HLCS: variants seen among roughly 807,000 people sequenced by gnomAD.
HLCS encodes biotin--protein ligase.
HLCS carries 53 observed loss-of-function variants against 75.0 expected under a neutral mutation model. The observed-to-expected ratio is 0.71, with a 90% CI of 0.57 to 0.89. HLCS has a LOEUF of 0.89. HLCS is among the 40% of genes least tolerant of loss of function. The probability of loss-of-function intolerance (pLI) is 0.00; values close to 1 mark genes in which losing one functional copy is unlikely to be tolerated. For missense variants in HLCS, 966 were observed against 1,074.0 expected (o/e 0.90, Z 1.41); for synonymous variants, 431 against 428.6 (o/e 1.01, Z -0.07).
chr21:36,896,554 C>T, intron 6 of HLCS: 1 of 418,416 alleles, frequency 2.4e-6, no homozygotes, highest in South Asian at 2.4e-5. Context: ...AGCAATAATG[C>T]CACCGGTTAA....
At chr21:36,787,003 C>T (rs998534996) in intron 6 of HLCS, among the ~76,000 whole-genome samples, 2 of 152,180 alleles carry the variant, frequency 1.3e-5, no homozygotes, top group South Asian at 4.1e-4. Context: ...AAAGATGCGA[C>T]CATGTAGGGA....
At chr21:36,858,659 A>G (rs1231099024) in intron 6 of HLCS, among the ~76,000 whole-genome samples, 2 of 152,144 alleles carry the variant, frequency 1.3e-5, no homozygotes, top group Non-Finnish European at 1.5e-5. Flanking sequence ...GCCTTGAAGA[A>G]TAGTGGATGG....
intron 5 of HLCS, among the ~76,000 whole-genome samples, chr21:36,906,065 C>CAA (rs1010181849): frequency 2.3e-5 from 3 of 130,786 alleles, no homozygotes; most frequent in Non-Finnish European, 4.8e-5. Flanking sequence ...AAAAAAAAAA[C>CAA]AAAACAAAAA....
At chr21:36,947,031 C>T (rs137970805) in intron 2 of HLCS, among the ~76,000 whole-genome samples, 1 of 152,112 alleles carries the variant, frequency 6.6e-6, no homozygotes. Context: ...AACAGGGAAA[C>T]GAACAGGGCA....
chr21:36,988,887 A>G (rs1031623768), intron 1 of HLCS, among the ~76,000 whole-genome samples: 1 of 151,930 alleles, frequency 6.6e-6, no homozygotes, highest in Non-Finnish European at 1.5e-5. Flanking sequence ...TGCTTCCCTC[A>G]ATGTTTGAGT....
chr21:36,861,468 G>A (rs1202680724), intron 6 of HLCS, among the ~76,000 whole-genome samples: 1 of 152,094 alleles, frequency 6.6e-6, no homozygotes, highest in African/African-American at 2.4e-5. Context: ...TCAGAGGTTT[G>A]GTGTACAGAC....
intron 6 of HLCS, among the ~76,000 whole-genome samples, chr21:36,828,929 G>A (rs1324092022): frequency 1.3e-5 from 2 of 152,196 alleles, no homozygotes; most frequent in Non-Finnish European, 2.9e-5. Flanking sequence ...ATTAGACTAT[G>A]CTACTACTAA....
intron 6 of HLCS, among the ~76,000 whole-genome samples, chr21:36,772,636 C>CT (rs1351404206): frequency 1.2e-5 from 1 of 85,022 alleles, no homozygotes; most frequent in African/African-American, 4.5e-5. Context: ...AAGACACTGT[C>CT]TCAAAAAAAA....
At chr21:36,780,252 T>C (rs1019667242) in intron 6 of HLCS, among the ~76,000 whole-genome samples, 36 of 152,158 alleles carry the variant, frequency 2.4e-4, no homozygotes, top group African/African-American at 7.5e-4. Flanking sequence ...CCTCATTTTT[T>C]CTTTTTTTCA....
chr21:36,960,450 C>T (rs2068231876), intron 2 of HLCS, among the ~76,000 whole-genome samples: 1 of 152,152 alleles, frequency 6.6e-6, no homozygotes, highest in African/African-American at 2.4e-5. Flanking sequence ...CGAAACATTA[C>T]AAACCTTCAG....
chr21:36,812,310 C>A (rs1392358706), intron 6 of HLCS, among the ~76,000 whole-genome samples: 2 of 152,106 alleles, frequency 1.3e-5, no homozygotes, highest in Admixed American at 1.3e-4. Flanking sequence ...AAAATATCTA[C>A]CTACTATGGA....
intron 1 of HLCS, among the ~76,000 whole-genome samples, chr21:36,983,297 G>A (rs994566679): frequency 2.6e-5 from 4 of 151,672 alleles, no homozygotes; most frequent in South Asian, 2.1e-4. Flanking sequence ...TGCAACCCCC[G>A]CCTCCTGGGT....
chr21:36,917,691 T>C (rs1397855670), intron 5 of HLCS, among the ~76,000 whole-genome samples: 1 of 152,098 alleles, frequency 6.6e-6, no homozygotes, highest in Non-Finnish European at 1.5e-5. Context: ...TTACTGGTTG[T>C]AGAAAAAGTA....
chr21:36,794,953 T>C (rs2060982424), intron 6 of HLCS, among the ~76,000 whole-genome samples: 1 of 151,910 alleles, frequency 6.6e-6, no homozygotes, highest in Non-Finnish European at 1.5e-5. Flanking sequence ...GTAGCAAGCA[T>C]AAGATGCCTA....
intron 7 of HLCS, among the ~76,000 whole-genome samples, chr21:36,765,762 C>G (rs2090008695): frequency 6.6e-6 from 1 of 152,142 alleles, no homozygotes. Context: ...ATTCTCCTGC[C>G]TCAGCCTCCC....
intron 5 of HLCS, among the ~76,000 whole-genome samples, chr21:36,921,890 T>G (rs1256036217): frequency 6.6e-6 from 1 of 152,162 alleles, no homozygotes; most frequent in Non-Finnish European, 1.5e-5. Flanking sequence ...CTAAGTCTTC[T>G]CTCACTCTCT....
intron 2 of HLCS, chr21:36,947,453 G>C (rs1201727566): frequency 1.0e-6 from 1 of 985,242 alleles, no homozygotes; most frequent in Non-Finnish European, 1.2e-6. Flanking sequence ...ACGTCGTCCA[G>C]GGTGTTTGCC....
chr21:36,756,413 T>C, intron 10 of HLCS, 129 bp downstream of exon 10: 1 of 610,532 alleles, frequency 1.6e-6, no homozygotes, highest in East Asian at 3.8e-5. Context: ...ATCGTGCCAC[T>C]GCACTCCAGC....
chr21:36,932,711 G>C (rs1367189639), intron 4 of HLCS, among the ~76,000 whole-genome samples: 1 of 152,158 alleles, frequency 6.6e-6, no homozygotes, highest in Non-Finnish European at 1.5e-5. Flanking sequence ...AAAGCTTCTA[G>C]CCTGATATTA....
Sources: gnomAD v4.1 joint callset for allele counts (sites outside exome capture counted in the v4.1 genomes callset) on GRCh38, gnomAD v4.1.1 for gene constraint, MANE v1.5 for transcripts, NCBI Gene and HGNC (gene_info 2026-07-23, HGNC 2026-07-21) for gene names.